The following SLCO1B1 variants were observed in gnomAD, a reference collection of about 807,000 sequenced individuals.
The protein encoded by SLCO1B1 is solute carrier organic anion transporter family member 1B1, also known as OATP-2.
Under a neutral mutation model 70.1 loss-of-function variants are expected in SLCO1B1, and 81 were observed. The observed-to-expected ratio is 1.16, with a 90% confidence interval of 0.97 to 1.39. The LOEUF (loss-of-function observed/expected upper bound fraction) is 1.39, where lower values mean the gene tolerates loss of function less well. SLCO1B1 is among the 40% of genes most tolerant of loss of function. SLCO1B1 has a pLI of 0.00. For synonymous variants in SLCO1B1, 283 were observed against 271.5 expected (o/e 1.04, Z -0.42); for missense variants, 895 against 799.6 (o/e 1.12, Z -1.44).
At chr12:21,209,467 A>G (rs1157182476) in intron 11 of SLCO1B1, among the ~76,000 whole-genome samples, 6 of 152,174 alleles carry the variant, frequency 3.9e-5, no homozygotes, top group African/African-American at 1.2e-4. Flanking sequence ...ACTGTTGGAC[A>G]TTTGGGTGGG....
At position 21,174,315 on chromosome 12, in the gene SLCO1B1, G is replaced by A. The variant is rs771635125; in HGVS notation, c.227-262G>A. Among the ~76,000 whole-genome samples the A allele has an allele frequency of 2.8e-4, 43 of 152,130 alleles. 1 individual carries two copies. Among genetic ancestry groups the A allele is most frequent in the Non-Finnish European group, 5.9e-5 (4 of 68,000 alleles). On this transcript the variant is annotated intron_variant, in intron 3 of 14. Transcript: ENST00000256958. The stretch of plus-strand genomic sequence containing the variant: ...TTCATCTCCATTTTTCTTCATTCCA[G>A]TATAATCCAGTCAACTCCAAATTTT...
intron 12 of SLCO1B1, among the ~76,000 whole-genome samples, chr12:21,218,766 G>A (rs866167118): frequency 4.1e-4 from 63 of 151,964 alleles, no homozygotes; most frequent in Middle Eastern, 3.2e-3. Flanking sequence ...TTCCATCATC[G>A]ATGATAACAA....
At chr12:21,162,007 C>CA (rs1940625666) in intron 2 of SLCO1B1, among the ~76,000 whole-genome samples, 2 of 151,222 alleles carry the variant, frequency 1.3e-5, no homozygotes, top group Non-Finnish European at 2.9e-5. Flanking sequence ...GACTCTGCCT[C>CA]AAAAAATACA....
At chr12:21,135,459 G>C (rs1162382920) in intron 1 of SLCO1B1, among the ~76,000 whole-genome samples, 1 of 152,164 alleles carries the variant, frequency 6.6e-6, no homozygotes, top group East Asian at 1.9e-4. Context: ...TTATTATTGA[G>C]TGGAATTCTA....
chr12:21,174,572 T>C lies in SLCO1B1; in HGVS notation c.227-5T>C. The C allele has an allele frequency of 6.2e-7, 1 of 1,613,160 alleles. No homozygotes were observed. The highest frequency in any genetic ancestry group is 8.5e-7 in the Non-Finnish European group (1 of 1,179,510). On this transcript the variant is annotated splice_region_variant and splice_polypyrimidine_tract_variant and intron_variant, in intron 3 of 14. Coordinates refer to ENST00000256958, the MANE Select transcript of SLCO1B1 (RefSeq NM_006446.5). ...TGTATCAACATAATTTTGTTCCCTTTCTAGGAAATTTGCTTGTGATTGTAT... is the reference window on the plus strand; with the variant it reads ...TGTATCAACATAATTTTGTTCCCTTCCTAGGAAATTTGCTTGTGATTGTAT...
chr12:21,207,976 T>C (rs1161238997), intron 11 of SLCO1B1, among the ~76,000 whole-genome samples: 1 of 152,086 alleles, frequency 6.6e-6, no homozygotes, highest in Non-Finnish European at 1.5e-5. Flanking sequence ...CTTTGTCTAC[T>C]TTTTAATATT....
At chr12:21,233,574 A>AC (rs201385849) in intron 14 of SLCO1B1, among the ~76,000 whole-genome samples, 96 of 138,810 alleles carry the variant, frequency 6.9e-4, no homozygotes, top group African/African-American at 1.8e-3. Context: ...AAACAAACAA[A>AC]AAAAAAAAAA....
intron 5 of SLCO1B1, among the ~76,000 whole-genome samples, chr12:21,177,464 T>C (rs1209659486): frequency 6.6e-6 from 1 of 152,164 alleles, no homozygotes; most frequent in Non-Finnish European, 1.5e-5. Flanking sequence ...AAATTATAAA[T>C]TATAATTGCA....
At chr12:21,140,536 A>G (rs1940294041) in intron 1 of SLCO1B1, among the ~76,000 whole-genome samples, 2 of 152,054 alleles carry the variant, frequency 1.3e-5, no homozygotes, top group Non-Finnish European at 2.9e-5. Flanking sequence ...ATATGGCCAC[A>G]TAAAACCAAA....
intron 2 of SLCO1B1, among the ~76,000 whole-genome samples, chr12:21,142,952 A>G (rs1940332052): frequency 1.3e-5 from 2 of 152,098 alleles, no homozygotes; most frequent in African/African-American, 4.8e-5. Context: ...CTAGAGCTAG[A>G]GGAAGATACT....
At chr12:21,208,648 C>A (rs954640518) in intron 11 of SLCO1B1, among the ~76,000 whole-genome samples, 1 of 151,968 alleles carries the variant, frequency 6.6e-6, no homozygotes, top group Non-Finnish European at 1.5e-5. Flanking sequence ...TAGTTTTATT[C>A]TAATTCAGTG....
At chr12:21,144,614 A>G (rs1940356893) in intron 2 of SLCO1B1, among the ~76,000 whole-genome samples, 1 of 152,128 alleles carries the variant, frequency 6.6e-6, no homozygotes, top group African/African-American at 2.4e-5. Context: ...CATAATCATC[A>G]GATTCTCCAA....
chr12:21,202,601 G>A lies in SLCO1B1; in HGVS notation c.1246G>A (p.Val416Met), dbSNP rs77468276. The change falls in exon 10 of 15, where the codon GTG (valine) becomes ATG (methionine). Residue 416 changes from valine to methionine, a missense_variant. By Grantham distance (21) the Val-to-Met change is conservative (BLOSUM62 1). Transcript: ENST00000256958. ...GIAKFSCFTA[V>M]MSLSFYLLYF... is the part of the protein sequence containing the mutation. The stretch of plus-strand genomic sequence containing the variant: ...TGCCAAATTCTCATGTTTTACTGCT[G>A]TGATGTCATTGTCCTTTTACCTATT... The A allele has an allele frequency of 9.3e-6, 15 of 1,612,446 alleles. No individual in the cohort carries two copies. The highest frequency in any genetic ancestry group is 1.2e-5 in the Non-Finnish European group (14 of 1,179,180).
rs1449078855 is a variant in SLCO1B1 at position 21,239,109 on chromosome 12, G to A, written c.1996G>A (p.Asp666Asn). ...TGCATCAGAAAATGGAAGTGTCATG[G>A]ATGAAGCAAACTTAGAATCCTTAAA... is the stretch of plus-strand genomic sequence containing the variant. ...INASENGSVM[D>N]EANLESLNKN... is the part of the protein sequence containing the mutation. The change falls in exon 15 of 15, where the codon GAT becomes AAT. Residue 666 changes from aspartate to asparagine, a missense_variant. By Grantham distance (23) the Asp-to-Asn change is conservative (BLOSUM62 1). Transcript: ENST00000256958. The A allele has an allele frequency of 1.2e-6, 2 of 1,612,540 alleles. No homozygotes were observed. The highest frequency in any genetic ancestry group is 2.2e-5 in the South Asian group (2 of 90,956).
At chr12:21,193,558 C>T (rs906259848) in intron 7 of SLCO1B1, among the ~76,000 whole-genome samples, 8 of 152,068 alleles carry the variant, frequency 5.3e-5, no homozygotes, top group African/African-American at 1.9e-4. Flanking sequence ...TTTATAATGT[C>T]CTTTTTGCAA....
In SLCO1B1 at chr12:21,232,134, G is replaced by A. The variant is rs868020398; in HGVS notation, c.1866-6845G>A. The stretch of plus-strand genomic sequence containing the variant: ...AGCAGAGAATCAACAAATGGAAAAA[G>A]CCACAAGAATATCAAATCAGAAAGC... On this transcript the variant is annotated intron_variant, in intron 14 of 14. Coordinates refer to ENST00000256958, the MANE Select transcript of SLCO1B1 (RefSeq NM_006446.5). Among the ~76,000 whole-genome samples, 13 of 152,264 alleles carry A rather than the reference G, an allele frequency of 8.5e-5. No individual in the cohort carries two copies. The South Asian group carries it at 1.7e-3, about 19-fold the overall frequency.
chr12:21,204,017 C>G (rs1941186090), intron 10 of SLCO1B1, among the ~76,000 whole-genome samples: 1 of 151,888 alleles, frequency 6.6e-6, no homozygotes, highest in Non-Finnish European at 1.5e-5. Context: ...TAAGCCTTTC[C>G]TTAAAGGTAA....
intron 1 of SLCO1B1, among the ~76,000 whole-genome samples, chr12:21,134,250 G>T (rs1940183571): frequency 6.6e-6 from 1 of 152,150 alleles, no homozygotes; most frequent in South Asian, 2.1e-4. Context: ...TTTTATTGAG[G>T]ATTTTTGCAT....
At chr12:21,196,199 GA>G (rs1941089936) in intron 7 of SLCO1B1, among the ~76,000 whole-genome samples, 1 of 151,872 alleles carries the variant, frequency 6.6e-6, no homozygotes, top group Non-Finnish European at 1.5e-5. Context: ...ATTGTTGAAA[GA>G]AAAAAGGGTC....
Sources: allele counts gnomAD v4.1 joint callset (sites outside exome capture counted in the v4.1 genomes callset), GRCh38; gene constraint gnomAD v4.1.1; transcripts MANE v1.5; gene names NCBI Gene and HGNC (gene_info 2026-07-23, HGNC 2026-07-21).